MPDZ: variants seen among roughly 807,000 people sequenced by gnomAD.
MPDZ encodes multiple PDZ domain protein.
A neutral mutation model predicts 239.1 loss-of-function variants in MPDZ; 234 were observed. The observed-to-expected ratio is 0.98, with a 90% confidence interval of 0.88 to 1.09. The LOEUF is 1.09. MPDZ is among the 50% of genes least tolerant of loss of function. The pLI is 0.00. For missense variants in MPDZ, 3,175 were observed against 2,510.0 expected, an observed-to-expected ratio of 1.26 and a Z score of -5.66; for synonymous variants, 1,048 against 881.3, an observed-to-expected ratio of 1.19 and a Z score of -3.35.
chr9:13,188,939 C>T lies in MPDZ; in HGVS notation c.2209G>A (p.Gly737Ser), dbSNP rs73406290. The change falls in exon 17 of 47, where the codon GGC becomes AGC. Residue 737 changes from glycine (G) to serine (S), a missense_variant. Physicochemically the swap from Gly to Ser is moderately conservative, Grantham distance 56. Transcript: ENST00000319217. ...AGTCGTCCATCCTTTTCAGCAATGC[C>T]GCCAGGCACCAAAGAACGAATTATA... ...VIIIRSLVPGGIAEKDGRLLP... is the reference protein window; with the variant it reads ...VIIIRSLVPGSIAEKDGRLLP... The T allele has an allele frequency of 4.2e-5, 67 of 1,613,336 alleles. No homozygotes were observed. The African/African-American group carries it at 7.6e-4, about 18-fold the overall frequency.
At chr9:13,133,418 T>C (rs1011876383) in intron 32 of MPDZ, among the ~76,000 whole-genome samples, 58 of 152,214 alleles carry the variant, frequency 3.8e-4, no homozygotes, top group Admixed American at 1.2e-3. Flanking sequence ...TCTAAATATA[T>C]GAGCTTTCTT....
In MPDZ at chr9:13,224,444, G is replaced by A; in HGVS notation, c.323C>T (p.Pro108Leu). The A allele has an allele frequency of 6.2e-7, 1 of 1,612,942 alleles. No individual in the cohort carries two copies. The highest frequency in any genetic ancestry group is 8.5e-7 in the Non-Finnish European group (1 of 1,179,300). The change falls in exon 4 of 47, where the codon CCT becomes CTT. Residue 108 changes from proline to leucine, a missense_variant. Pro to Leu is a moderately conservative substitution (Grantham distance 98). Transcript: ENST00000319217. Reference protein sequence around the residue: ...NNGNLEALTGPGIPHINGKPA... With the variant: ...NNGNLEALTGLGIPHINGKPA... ...TTTCCCATTAATGTGTGGAATACCA[G>A]GTCCTGTAAGTGCTTCCAGATTCCC...
rs916943355 is a variant in MPDZ, at chr9:13,250,472, C to A, written c.-57-100G>T. On this transcript the variant is annotated intron_variant, in intron 1 of 46. Transcript: ENST00000319217. ...CTTGATACAACTCTAATTCCTTTGA[C>A]CATTAAAATCTTGTTGATACAACTT... is the stretch of plus-strand genomic sequence containing the variant. The A allele has an allele frequency of 8.1e-6, 5 of 620,896 alleles. No homozygotes were observed. In the Middle Eastern group the frequency reaches 1.1e-3, roughly 137 times the overall value. The allele number at this position is 620,896 out of a possible 1,614,324, so 38.5% of individuals were successfully genotyped here. A position where few individuals can be genotyped will look rare whatever the true frequency, so the allele number is the denominator to read the frequency against.
intron 46 of MPDZ, among the ~76,000 whole-genome samples, chr9:13,108,145 G>A (rs967957609): frequency 6.6e-5 from 10 of 152,130 alleles, no homozygotes; most frequent in South Asian, 4.2e-4. Context: ...TTTTAAACAC[G>A]TTTGACTAAG....
Position 13,190,315 on chromosome 9 carries a change from C to T in MPDZ, c.1969-16G>A. On this transcript the variant is annotated splice_polypyrimidine_tract_variant and intron_variant, in intron 15 of 46. Transcript: ENST00000319217. ...CTACGTGAGGCTGGATAATATCAGACAGCTCTTATTTCAGAGGCATTGCAT... is the reference window on the plus strand; with the variant it reads ...CTACGTGAGGCTGGATAATATCAGATAGCTCTTATTTCAGAGGCATTGCAT... The T allele has an allele frequency of 6.6e-7, 1 of 1,511,660 alleles. No individual in the cohort carries two copies. The highest frequency in any genetic ancestry group is 8.8e-7 in the Non-Finnish European group (1 of 1,131,512). The allele number at this position is 1,511,660 out of a possible 1,614,324, so 93.6% of individuals were successfully genotyped here. A position where few individuals can be genotyped will look rare whatever the true frequency, so the allele number is the denominator to read the frequency against.
At chr9:13,196,061 C>G in intron 13 of MPDZ, 60 bp downstream of exon 13, 1 of 1,156,028 alleles carries the variant, frequency 8.7e-7, no homozygotes, top group Non-Finnish European at 1.2e-6. Context: ...ATTATTCCCT[C>G]GAACTGCCTG....
chr9:13,164,517 G>A lies in MPDZ; in HGVS notation c.3255-1722C>T, dbSNP rs544781721. On this transcript the variant is annotated intron_variant, in intron 22 of 46. Transcript: ENST00000319217. ...CGTAAGTTTAAAAAGCCAGGAAAAGGTCAGGGAAGAAAGGCAGGATAGAAT... is the reference window on the plus strand; with the variant it reads ...CGTAAGTTTAAAAAGCCAGGAAAAGATCAGGGAAGAAAGGCAGGATAGAAT... 1.3e-4 allele frequency among the ~76,000 whole-genome samples: 20 copies of A among 152,086 alleles called. No individual in the cohort carries two copies. The East Asian group carries it at 2.5e-3, about 19-fold the overall frequency.
chr9:13,224,879 C>A (rs561256841), intron 3 of MPDZ, among the ~76,000 whole-genome samples: 1 of 152,172 alleles, frequency 6.6e-6, no homozygotes, highest in South Asian at 2.1e-4. Context: ...ATATATACAT[C>A]CACACATATA....
chr9:13,166,241 T>G (rs1432746225), intron 22 of MPDZ, among the ~76,000 whole-genome samples: 1 of 152,144 alleles, frequency 6.6e-6, no homozygotes, highest in Non-Finnish European at 1.5e-5. Flanking sequence ...AAGTTCCTTT[T>G]GGGAAGATTA....
intron 1 of MPDZ, among the ~76,000 whole-genome samples, chr9:13,259,329 G>C (rs1383707754): frequency 6.6e-6 from 1 of 151,886 alleles, no homozygotes; most frequent in Non-Finnish European, 1.5e-5. Flanking sequence ...GCAAGAGTCT[G>C]TCTCGGAAAA....
At chr9:13,209,507 G>A (rs1957370395) in intron 10 of MPDZ, among the ~76,000 whole-genome samples, 2 of 152,084 alleles carry the variant, frequency 1.3e-5, no homozygotes, top group African/African-American at 4.8e-5. Context: ...ACAATCTGCA[G>A]CAGAACCCAT....
At chr9:13,123,575 T>C (rs781458266) in intron 35 of MPDZ, among the ~76,000 whole-genome samples, 53 of 152,134 alleles carry the variant, frequency 3.5e-4, no homozygotes, top group Non-Finnish European at 1.6e-4. Context: ...TTGGTAGAGA[T>C]ATAAAGGAGA....
chr9:13,193,369 C>A, intron 13 of MPDZ, 56 bp from the exon 14 acceptor site: 1 of 1,506,810 alleles, frequency 6.6e-7, no homozygotes, highest in South Asian at 1.4e-5. Flanking sequence ...TATTTTTACT[C>A]ATGCACACAT....
chr9:13,172,071 T>G (rs914292170), intron 21 of MPDZ, among the ~76,000 whole-genome samples: 1 of 152,206 alleles, frequency 6.6e-6, no homozygotes, highest in Non-Finnish European at 1.5e-5. Context: ...CAAGATTCCT[T>G]TACATTTAGT....
chr9:13,156,199 C>G (rs1949792726), intron 24 of MPDZ, among the ~76,000 whole-genome samples: 1 of 152,148 alleles, frequency 6.6e-6, no homozygotes, highest in Non-Finnish European at 1.5e-5. Context: ...TTATTAACCT[C>G]ATTTTACAGA....
Position 13,247,676 on chromosome 9 carries a change from T to TCTGACTGAAGAGAGGGCTCTGCAGGA in MPDZ, c.116_141dup (p.Ile48SerfsTer11). The stretch of plus-strand genomic sequence containing the variant: ...TGTACAGAAGTCTGAAGGCTCAGAA[T>TCTGACTGAAGAGAGGGCTCTGCAGGA]CTGACTGAAGAGAGGGCTCTGCAGG... On this transcript the variant is annotated frameshift_variant, in exon 3 of 47. Transcript: ENST00000319217. LOFTEE classifies it high-confidence loss of function. 6.2e-7 allele frequency: 1 copy of TCTGACTGAAGAGAGGGCTCTGCAGGA among 1,613,580 alleles called. No homozygotes were observed. Among genetic ancestry groups the TCTGACTGAAGAGAGGGCTCTGCAGGA allele is most frequent in the South Asian group, 1.1e-5 (1 of 91,040 alleles).
intron 21 of MPDZ, among the ~76,000 whole-genome samples, chr9:13,169,757 G>A (rs1241544260): frequency 6.6e-6 from 1 of 152,148 alleles, no homozygotes; most frequent in African/African-American, 2.4e-5. Flanking sequence ...ACAGTCTGTA[G>A]GACAGGGGTA....
At position 13,190,141 on chromosome 9, in the gene MPDZ, T is replaced by C; in HGVS notation, c.2127A>G (p.Gly709=). The change falls in exon 16 of 47, where the codon GGA becomes GGG. Residue 709 remains glycine (G), a synonymous_variant. Transcript: ENST00000319217. ...QHIELEKGSK[G]LGFSILDYQD... is the part of the protein sequence containing the mutation. ...GATAATCTAAAATGCTAAAACCAAG[T>C]CCTTTGCTCCCTTTCTCCAGCTCTA... 6.2e-7 allele frequency: 1 copy of C among 1,612,964 alleles called. No homozygotes were observed. Among genetic ancestry groups the C allele is most frequent in the Non-Finnish European group, 8.5e-7 (1 of 1,179,434 alleles).
intron 1 of MPDZ, among the ~76,000 whole-genome samples, chr9:13,270,211 G>A (rs943472749): frequency 5.9e-5 from 9 of 152,092 alleles, no homozygotes; most frequent in Admixed American, 3.9e-4. Context: ...TTTTACTTTC[G>A]TAATAATCCA....
Sources: gnomAD v4.1 joint callset for allele counts (sites outside exome capture counted in the v4.1 genomes callset) on GRCh38, gnomAD v4.1.1 for gene constraint, MANE v1.5 for transcripts, NCBI Gene and HGNC (gene_info 2026-07-23, HGNC 2026-07-21) for gene names.